CDYL: variants seen among roughly 807,000 people sequenced by gnomAD.
The protein encoded by CDYL is chromodomain Y like.
Under a neutral mutation model 47.3 loss-of-function variants are expected in CDYL, and 8 were observed. The observed-to-expected ratio is 0.17, with a 90% CI of 0.10 to 0.31. The LOEUF is 0.31. Ranked by LOEUF, CDYL falls within the 10% of genes least tolerant of loss-of-function variation. The pLI is 1.00. For missense variants in CDYL, 471 were observed against 701.4 expected, an observed-to-expected ratio of 0.67 and a Z score of 3.71; for synonymous variants, 266 against 265.0, an observed-to-expected ratio of 1.00 and a Z score of -0.04.
intron 1 of CDYL, among the ~76,000 whole-genome samples, chr6:4,791,147 G>C (rs1317367609): frequency 6.6e-6 from 1 of 152,176 alleles, no homozygotes; most frequent in Non-Finnish European, 1.5e-5. Flanking sequence ...ACAGTGGCCA[G>C]CATTGACATT....
chr6:4,897,857 A>C (rs148927913), intron 2 of CDYL, among the ~76,000 whole-genome samples: 4,425 of 150,140 alleles, frequency 0.029, 236 homozygotes, highest in African/African-American at 0.1. Flanking sequence ...GGAGATCAAG[A>C]CCATCCTGGC....
intron 3 of CDYL, among the ~76,000 whole-genome samples, chr6:4,758,946 T>C (rs1437223470): frequency 6.6e-6 from 1 of 150,824 alleles, no homozygotes; most frequent in Non-Finnish European, 1.5e-5. Flanking sequence ...TCTTTCTACC[T>C]CAATCACCCA....
chr6:4,773,748 G>T (rs77088784), upstream of CDYL, among the ~76,000 whole-genome samples: 14,846 of 152,172 alleles, frequency 0.098, 780 homozygotes, highest in Middle Eastern at 0.14. This position sits in a 1 kb window ranked among gnomAD's most constrained non-coding sequence, Gnocchi z 4.6. Context: ...GAGGTGGTTG[G>T]AACTTAGGAG....
At chr6:4,733,851 CTTTTT>C (rs3054896) in intron 2 of CDYL, among the ~76,000 whole-genome samples, 1 of 131,898 alleles carries the variant, frequency 7.6e-6, no homozygotes, top group Non-Finnish European at 1.6e-5. Context: ...TTTTCTTCTT[CTTTTT>C]TTTTTTTTTT....
At chr6:4,859,992 C>A (rs1159006737) in intron 1 of CDYL, among the ~76,000 whole-genome samples, 1 of 151,638 alleles carries the variant, frequency 6.6e-6, no homozygotes, top group Non-Finnish European at 1.5e-5. Flanking sequence ...AGCTCCGCCT[C>A]CTGTGTTCAC....
intron 3 of CDYL, among the ~76,000 whole-genome samples, chr6:4,762,804 G>A (rs1323230257): frequency 6.6e-6 from 1 of 152,092 alleles, no homozygotes; most frequent in Non-Finnish European, 1.5e-5. Context: ...GCATAGGACT[G>A]TAGTGAAAAG....
chr6:4,799,101 A>C (rs530125490), intron 1 of CDYL, among the ~76,000 whole-genome samples: 1 of 152,220 alleles, frequency 6.6e-6, no homozygotes, highest in African/African-American at 2.4e-5. Context: ...CAGTCTATCA[A>C]AATTTGATAT....
intron 1 of CDYL, among the ~76,000 whole-genome samples, chr6:4,784,238 A>G (rs1434665654): frequency 6.6e-6 from 1 of 152,162 alleles, no homozygotes; most frequent in Non-Finnish European, 1.5e-5. Context: ...GTGTTTGTCC[A>G]TTTTATGATT....
intron 1 of CDYL, among the ~76,000 whole-genome samples, chr6:4,791,214 A>G (rs1219428310): frequency 1.3e-5 from 2 of 152,254 alleles, no homozygotes; most frequent in Non-Finnish European, 2.9e-5. Context: ...TGTTCACTGT[A>G]TAACCGATTC....
chr6:4,721,364 G>A (rs1757366016), intron 2 of CDYL, among the ~76,000 whole-genome samples: 1 of 152,000 alleles, frequency 6.6e-6, no homozygotes, highest in South Asian at 2.1e-4. Context: ...TCTGGGGGAG[G>A]GGAGGGGAGG....
At chr6:4,930,544 C>T (rs1758003034) in intron 2 of CDYL, among the ~76,000 whole-genome samples, 1 of 152,212 alleles carries the variant, frequency 6.6e-6, no homozygotes, top group African/African-American at 2.4e-5. Flanking sequence ...CCCTGCACAG[C>T]CTGTGGTCCA....
chr6:4,927,428 C>CGTGTGTGTGTGTGTGTGTGT lies in CDYL; in HGVS notation c.692-8074_692-8055dup, dbSNP rs35317751. On this transcript the variant is annotated intron_variant, in intron 2 of 6. Coordinates refer to ENST00000397588, the MANE Select transcript of CDYL (RefSeq NM_004824.4). The stretch of plus-strand genomic sequence containing the variant: ...CATTCCATCATTCGAATTTACTGTA[C>CGTGTGTGTGTGTGTGTGTGT]GTGTGTGTGTGTGTGTGTGTGTGTG... Among the ~76,000 whole-genome samples the CGTGTGTGTGTGTGTGTGTGT allele has an allele frequency of 3.1e-3, 442 of 142,550 alleles. 5 individuals are homozygous for CGTGTGTGTGTGTGTGTGTGT. Among genetic ancestry groups the CGTGTGTGTGTGTGTGTGTGT allele is most frequent in the African/African-American group, 7.8e-3 (288 of 37,154 alleles). The allele number at this position is 142,550 out of a possible 152,430, so 93.5% of individuals were successfully genotyped here.
intron 1 of CDYL, among the ~76,000 whole-genome samples, chr6:4,788,662 C>T (rs937378227): frequency 7.3e-5 from 11 of 151,592 alleles, no homozygotes; most frequent in Admixed American, 5.9e-4. Context: ...ATTCCTGAGC[C>T]CTCACTCTCC....
chr6:4,894,669 C>G (rs1295516373), intron 2 of CDYL, among the ~76,000 whole-genome samples: 2 of 152,088 alleles, frequency 1.3e-5, no homozygotes, highest in South Asian at 4.1e-4. Flanking sequence ...AGGCTGGTCT[C>G]AAACTCCTGA....
chr6:4,944,878 A>G (rs1561723609), intron 5 of CDYL, among the ~76,000 whole-genome samples: 1 of 152,158 alleles, frequency 6.6e-6, no homozygotes, highest in African/African-American at 2.4e-5. Context: ...AAATAAGACA[A>G]AAGCCAACAT....
At chr6:4,912,754 G>C (rs1757449558) in intron 2 of CDYL, among the ~76,000 whole-genome samples, 1 of 152,194 alleles carries the variant, frequency 6.6e-6, no homozygotes, top group Non-Finnish European at 1.5e-5. Flanking sequence ...ACTCTGCTGA[G>C]TTCCCAGGCA....
chr6:4,894,994 C>CA (rs1762173241), intron 2 of CDYL, among the ~76,000 whole-genome samples: 1 of 149,262 alleles, frequency 6.7e-6, no homozygotes, highest in Non-Finnish European at 1.5e-5. Context: ...TATGTGTATA[C>CA]TTGTGTGTAT....
At chr6:4,945,519 C>A (rs560136678) in intron 5 of CDYL, among the ~76,000 whole-genome samples, 97 of 152,282 alleles carry the variant, frequency 6.4e-4, no homozygotes, top group Admixed American at 1.5e-3. Flanking sequence ...ACACTCACCC[C>A]CAAGGGATCT....
intron 1 of CDYL, among the ~76,000 whole-genome samples, chr6:4,709,454 C>G (rs931179310): frequency 6.6e-6 from 1 of 152,202 alleles, no homozygotes; most frequent in African/African-American, 2.4e-5. Context: ...CCTCGGCTTC[C>G]CAAAGTGCTG....
Sources: allele counts gnomAD v4.1 joint callset (sites outside exome capture counted in the v4.1 genomes callset), GRCh38; gene constraint gnomAD v4.1.1; non-coding constraint Gnocchi (gnomAD v3.1); transcripts MANE v1.5; gene names NCBI Gene and HGNC (gene_info 2026-07-23, HGNC 2026-07-21).